MTUS1: variants seen among roughly 807,000 people sequenced by gnomAD.
The protein encoded by MTUS1 is microtubule associated scaffold protein 1.
Under a neutral mutation model 120.8 loss-of-function variants are expected in MTUS1, and 109 were observed. That is an observed-to-expected ratio of 0.90 (90% CI 0.77 to 1.06). The LOEUF (loss-of-function observed/expected upper bound fraction) is 1.06. Among genes scored for constraint, MTUS1 ranks in the 50% least tolerant of loss-of-function variants. The probability of loss-of-function intolerance (pLI) is 0.00; values close to 1 mark genes in which losing one functional copy is unlikely to be tolerated. For missense variants in MTUS1, 2,210 were observed against 1,486.3 expected (o/e 1.49, Z -8.01); for synonymous variants, 737 against 550.5 (o/e 1.34, Z -4.74).
chr8:17,776,084 G>A (rs1336961096), intron 1 of MTUS1, among the ~76,000 whole-genome samples: 1 of 152,102 alleles, frequency 6.6e-6, no homozygotes, highest in Non-Finnish European at 1.5e-5. Context: ...GGTGCTGAGT[G>A]GTCTTTCAAA....
chr8:17,759,906 T>C (rs1328521331), intron 1 of MTUS1, among the ~76,000 whole-genome samples: 1 of 151,954 alleles, frequency 6.6e-6, no homozygotes, highest in African/African-American at 2.4e-5. Flanking sequence ...GTTTATGATT[T>C]TTTTTTAATT....
chr8:17,674,576 T>C (rs1250141897), intron 8 of MTUS1: 2 of 985,886 alleles, frequency 2.0e-6, no homozygotes, highest in Non-Finnish European at 2.4e-6. Flanking sequence ...TGTTGAGACC[T>C]GGAAACTGCA....
chr8:17,705,402 G>C (rs1354705924), intron 6 of MTUS1, among the ~76,000 whole-genome samples: 1 of 152,082 alleles, frequency 6.6e-6, no homozygotes, highest in African/African-American at 2.4e-5. Context: ...TAATTACTTT[G>C]TGTGTTTAAA....
At position 17,676,572 on chromosome 8, in the gene MTUS1, C is replaced by G. The variant is rs963795289; in HGVS notation, c.2839-1320G>C. The G allele has an allele frequency of 1.1e-5, 6 of 555,454 alleles. No individual in the cohort carries two copies. The African/African-American group carries it at 1.1e-4, about 10-fold the overall frequency. 34.4% of individuals were successfully genotyped at this position (555,454 alleles called of 1,614,324 possible). On this transcript the variant is annotated intron_variant, in intron 7 of 14. Transcript: ENST00000693296. ...GGCAGCCTGTGATTACTTAAAGCCA[C>G]AGCCTTTCATTTATGAAAAACGAGA...
At chr8:17,793,220 C>G (rs114595823) in intron 1 of MTUS1, among the ~76,000 whole-genome samples, 6,934 of 152,206 alleles carry the variant, frequency 0.046, 545 homozygotes, top group African/African-American at 0.16. Context: ...CAGATGTTCT[C>G]AAACTGACTC....
intron 6 of MTUS1, chr8:17,692,359 T>C (rs1027620371): frequency 6.6e-6 from 1 of 151,970 alleles, no homozygotes. Flanking sequence ...GCAGCTACTG[T>C]GAGATCATGA....
intron 3 of MTUS1, among the ~76,000 whole-genome samples, chr8:17,733,372 A>AAG (rs1554512291): frequency 6.6e-6 from 1 of 151,818 alleles, no homozygotes; most frequent in Non-Finnish European, 1.5e-5. Flanking sequence ...AAAAAAAAAA[A>AAG]CAGCAGACAC....
intron 7 of MTUS1, among the ~76,000 whole-genome samples, chr8:17,683,012 C>T (rs550025586): frequency 5.9e-5 from 9 of 152,322 alleles, no homozygotes; most frequent in African/African-American, 1.9e-4. Flanking sequence ...GTGGCGCATG[C>T]CTGTAATCCC....
chr8:17,675,278 T>A, intron 7 of MTUS1, 26 bp from the exon 8 acceptor site: 1 of 1,611,282 alleles, frequency 6.2e-7, no homozygotes, highest in Admixed American at 1.7e-5. Flanking sequence ...ATCAAGTTAC[T>A]CATGCTTTCA....
At chr8:17,769,881 TAC>T (rs56287929) in intron 1 of MTUS1, among the ~76,000 whole-genome samples, 193 of 99,624 alleles carry the variant, frequency 1.9e-3, no homozygotes, top group African/African-American at 5.5e-3. Context: ...ACTCTTTGCT[TAC>T]ACACACACAC....
intron 6 of MTUS1, chr8:17,691,354 G>A (rs1816903697): frequency 2.6e-5 from 4 of 152,180 alleles, no homozygotes; most frequent in African/African-American, 2.4e-5. Flanking sequence ...TTCTTCAATT[G>A]AAAGCTGTAA....
intron 1 of MTUS1, among the ~76,000 whole-genome samples, chr8:17,766,519 C>A (rs1305182747): frequency 1.3e-5 from 2 of 152,128 alleles, no homozygotes; most frequent in African/African-American, 2.4e-5. Flanking sequence ...ATTTGCAGAT[C>A]TTATCTGAAG....
At chr8:17,696,015 A>T (rs1451153522) in intron 6 of MTUS1, among the ~76,000 whole-genome samples, 2 of 152,214 alleles carry the variant, frequency 1.3e-5, no homozygotes, top group Non-Finnish European at 2.9e-5. Flanking sequence ...CTTTAAAATT[A>T]AAAGCTATTT....
chr8:17,661,355 C>G (rs758099319), intron 8 of MTUS1, among the ~76,000 whole-genome samples: 2 of 152,080 alleles, frequency 1.3e-5, no homozygotes, highest in Non-Finnish European at 2.9e-5. Flanking sequence ...AATAAAAAAG[C>G]AGGAACAAGA....
At chr8:17,729,196 C>G (rs1385720967) in intron 3 of MTUS1, among the ~76,000 whole-genome samples, 2 of 152,076 alleles carry the variant, frequency 1.3e-5, no homozygotes, top group African/African-American at 4.8e-5. Flanking sequence ...CCTACAGTAA[C>G]TAGGAATTAT....
chr8:17,754,382 T>G lies in MTUS1; in HGVS notation c.1426A>C (p.Lys476Gln), dbSNP rs1007570662. The G allele has an allele frequency of 5.0e-6, 8 of 1,614,094 alleles. No homozygotes were observed. The African/African-American group carries it at 9.3e-5, about 19-fold the overall frequency. ...DSKEAPVNLCKPSLGKSTIKT... is the reference protein window; with the variant it reads ...DSKEAPVNLCQPSLGKSTIKT... ...ATTGTTGATTTTCCTAAACTGGGTT[T>G]ACACAGGTTCACAGGTGCCTCCTTC... The change falls in exon 2 of 15, where the codon AAA becomes CAA. Residue 476 changes from lysine to glutamine, a missense_variant. Physicochemically the swap from Lys to Gln is moderately conservative, Grantham distance 53. Transcript: ENST00000693296.
At chr8:17,787,248 G>A (rs2051382522) in intron 1 of MTUS1, among the ~76,000 whole-genome samples, 1 of 152,176 alleles carries the variant, frequency 6.6e-6, no homozygotes, top group Non-Finnish European at 1.5e-5. Context: ...AACGACATCA[G>A]TGCACAGCTC....
rs748506316 is a variant in MTUS1 at position 17,655,994 on chromosome 8, C to A, written c.2977G>T (p.Val993Phe). Reference sequence around the variant, plus strand: ...GTTTTTTCAGCCTGGTGCTGCTGGACGAATGCTTCATACACTGTTTGTAAC... The same window carrying A: ...GTTTTTTCAGCCTGGTGCTGCTGGAAGAATGCTTCATACACTGTTTGTAAC... ...NELQTVYEAF[V>F]QQHQAEKTER... is the part of the protein sequence containing the mutation. Residue 993 changes from valine to phenylalanine, a missense_variant, in exon 9 of 15, where the codon GTC becomes TTC. Physicochemically the swap from Val to Phe is conservative, Grantham distance 50. Transcript: ENST00000693296. 1.2e-6 allele frequency: 2 copies of A among 1,614,218 alleles called. No homozygotes were observed. The highest frequency in any genetic ancestry group is 1.1e-5 in the South Asian group (1 of 91,090).
chr8:17,679,328 T>C (rs1813792319), intron 7 of MTUS1, among the ~76,000 whole-genome samples: 1 of 146,018 alleles, frequency 6.8e-6, no homozygotes, highest in South Asian at 2.3e-4. Flanking sequence ...CTGTATCTAT[T>C]TTATATACAT....
Sources: gnomAD v4.1 joint callset for allele counts (sites outside exome capture counted in the v4.1 genomes callset) on GRCh38, gnomAD v4.1.1 for gene constraint, MANE v1.5 for transcripts, NCBI Gene and HGNC (gene_info 2026-07-23, HGNC 2026-07-21) for gene names.